Variants in AP5M1 observed in about 807,000 individuals in gnomAD.
AP5M1 encodes adaptor related protein complex 5 subunit mu 1.
AP5M1 carries 44 observed loss-of-function variants against 52.3 expected under a neutral mutation model. The observed-to-expected ratio is 0.84, with a 90% confidence interval of 0.66 to 1.08. The LOEUF is 1.08. Among genes scored for constraint, AP5M1 ranks in the 50% least tolerant of loss-of-function variants. The pLI, the probability that AP5M1 is intolerant of heterozygous loss-of-function variation, is 0.00. For missense variants in AP5M1, 526 were observed against 568.4 expected, an observed-to-expected ratio of 0.93 and a Z score of 0.76; for synonymous variants, 213 against 199.0, an observed-to-expected ratio of 1.07 and a Z score of -0.59.
intron 6 of AP5M1, 57 bp downstream of exon 6, chr14:57,283,287 A>G (rs1260288082): frequency 6.1e-6 from 6 of 986,564 alleles, no homozygotes; most frequent in Admixed American, 2.4e-5. Context: ...TATAAATTGC[A>G]TATTTCTAGT....
At chr14:57,281,198 C>G (rs1885166639) in intron 3 of AP5M1, among the ~76,000 whole-genome samples, 1 of 152,114 alleles carries the variant, frequency 6.6e-6, no homozygotes, top group African/African-American at 2.4e-5. Context: ...ACATTATCCC[C>G]ATTTTACAGC....
intron 4 of AP5M1, 60 bp from the exon 5 acceptor site, chr14:57,282,874 A>C: frequency 8.5e-7 from 1 of 1,178,644 alleles, no homozygotes; most frequent in Non-Finnish European, 1.2e-6. Flanking sequence ...AGTTTGACTT[A>C]GATCTCTTAA....
intron 2 of AP5M1, among the ~76,000 whole-genome samples, chr14:57,277,140 T>C (rs1219621522): frequency 6.6e-6 from 1 of 152,082 alleles, no homozygotes; most frequent in African/African-American, 2.4e-5. Context: ...GTGCCTTTTT[T>C]TTTTTTTTAA....
rs1054774760 is a variant in AP5M1, at chr14:57,294,615, G to C, written c.*5731G>C. ...GTTTCTTTTCTCCACTGGTTTTATA[G>C]GTGTGTTTAGTGTGAAGAATGTGAT... On this transcript the variant is annotated 3_prime_UTR_variant, in exon 8 of 8. Coordinates refer to ENST00000261558, the MANE Select transcript of AP5M1 (RefSeq NM_018229.4). 6.6e-6 allele frequency: 1 copy of C among 151,838 alleles called. No homozygotes were observed. Among genetic ancestry groups the C allele is most frequent in the Non-Finnish European group, 1.5e-5 (1 of 67,834 alleles). The allele number at this position is 151,838 out of a possible 1,614,324, so 9.4% of individuals were successfully genotyped here.
At chr14:57,285,162 T>C (rs912527548) in intron 6 of AP5M1, among the ~76,000 whole-genome samples, 10 of 152,188 alleles carry the variant, frequency 6.6e-5, no homozygotes, top group African/African-American at 2.4e-4. Flanking sequence ...GGGGAAGTGG[T>C]AGTGAAGTCA....
intron 3 of AP5M1, 124 bp from the exon 4 acceptor site, chr14:57,281,965 T>C: frequency 1.3e-6 from 1 of 765,230 alleles, no homozygotes; most frequent in Non-Finnish European, 2.0e-6. Flanking sequence ...AGATTCATCA[T>C]TGCTGTTACC....
At chr14:57,270,842 G>A (rs915978736) in intron 1 of AP5M1, among the ~76,000 whole-genome samples, 2 of 152,044 alleles carry the variant, frequency 1.3e-5, no homozygotes, top group Non-Finnish European at 2.9e-5. Flanking sequence ...ACTTCCTAAT[G>A]TTACATTTGT....
chr14:57,280,064 A>C, intron 2 of AP5M1, 131 bp from the exon 3 acceptor site: 1 of 724,008 alleles, frequency 1.4e-6, no homozygotes, highest in South Asian at 1.7e-5. Flanking sequence ...ATAAGAACAC[A>C]GAAAGCAAAG....
In AP5M1 at chr14:57,288,865, A is replaced by G; in HGVS notation, c.1454A>G (p.Tyr485Cys). ...WNSKAPAPVT[Y>C]GSLLL Reference sequence around the variant, plus strand: ...TCTAAAGCCCCTGCTCCAGTAACATATGGATCATTATTATTGTAATAGTCT... The same window carrying G: ...TCTAAAGCCCCTGCTCCAGTAACATGTGGATCATTATTATTGTAATAGTCT... Residue 485 changes from tyrosine to cysteine, a missense_variant, in exon 8 of 8, where the codon TAT becomes TGT. Tyr to Cys is a radical substitution (Grantham distance 194, BLOSUM62 -2). Coordinates refer to ENST00000261558, the MANE Select transcript of AP5M1 (RefSeq NM_018229.4). 7 of 1,555,312 alleles carry G rather than the reference A, an allele frequency of 4.5e-6. No individual in the cohort carries two copies. Among genetic ancestry groups the G allele is most frequent in the Non-Finnish European group, 6.2e-6 (7 of 1,131,174 alleles).
chr14:57,282,369 G>T (rs1057475324), intron 4 of AP5M1, 141 bp downstream of exon 4: 1 of 580,764 alleles, frequency 1.7e-6, no homozygotes, highest in Non-Finnish European at 2.7e-6. Context: ...TGATTTTCAT[G>T]ATATAGTCAT....
intron 2 of AP5M1, chr14:57,278,453 G>C (rs1885091471): frequency 6.6e-6 from 1 of 152,220 alleles, no homozygotes; most frequent in South Asian, 2.1e-4. Context: ...CTCAAGGACA[G>C]GTTTGAGAGG....
rs927049549 is a variant in AP5M1 at position 57,289,484 on chromosome 14, T to C, written c.*600T>C. The C allele has an allele frequency of 6.6e-6, 1 of 151,744 alleles. No homozygotes were observed. The highest frequency in any genetic ancestry group is 6.6e-5 in the Admixed American group (1 of 15,206). 9.4% of individuals were successfully genotyped at this position (151,744 alleles called of 1,614,324 possible). ...AAGCTGTTCTTCTTAATCAGAACTA[T>C]CCTATTGACTAATAAATAATCTGCA... On this transcript the variant is annotated 3_prime_UTR_variant, in exon 8 of 8. Coordinates refer to ENST00000261558, the MANE Select transcript of AP5M1 (RefSeq NM_018229.4).
intron 1 of AP5M1, among the ~76,000 whole-genome samples, chr14:57,272,825 G>A (rs1270183682): frequency 6.6e-6 from 1 of 152,188 alleles, no homozygotes; most frequent in Non-Finnish European, 1.5e-5. Context: ...TCTTAATCAA[G>A]AAAATGCATC....
intron 4 of AP5M1, 105 bp downstream of exon 4, chr14:57,282,333 C>G: frequency 3.5e-6 from 3 of 848,588 alleles, no homozygotes; most frequent in Non-Finnish European, 5.0e-6. Context: ...AAGGTCTGAA[C>G]AATTTTATTT....
At chr14:57,271,887 A>G (rs2139683622) in intron 1 of AP5M1, among the ~76,000 whole-genome samples, 1 of 152,324 alleles carries the variant, frequency 6.6e-6, no homozygotes, top group East Asian at 1.9e-4. Flanking sequence ...TTTTTCTGAC[A>G]TCATCTTTTA....
At chr14:57,284,203 A>T (rs1885252244) in intron 6 of AP5M1, among the ~76,000 whole-genome samples, 1 of 152,248 alleles carries the variant, frequency 6.6e-6, no homozygotes, top group Non-Finnish European at 1.5e-5. Context: ...TGAAGACTTG[A>T]AGATTGACTA....
chr14:57,287,100 A>G (rs1366310440), intron 7 of AP5M1, among the ~76,000 whole-genome samples: 1 of 152,116 alleles, frequency 6.6e-6, no homozygotes, highest in Non-Finnish European at 1.5e-5. Flanking sequence ...TCAAATAGAA[A>G]TATGTAACAT....
rs1307565274 is a variant in AP5M1 at position 57,292,874 on chromosome 14, C to T, written c.*3990C>T. On this transcript the variant is annotated 3_prime_UTR_variant, in exon 8 of 8. Coordinates refer to ENST00000261558, the MANE Select transcript of AP5M1 (RefSeq NM_018229.4). Reference sequence around the variant, plus strand: ...TTATCCACCTTAAGACTAATGATTTCGAAGCTTTGTTAACTATTTCTTTTC... The same window carrying T: ...TTATCCACCTTAAGACTAATGATTTTGAAGCTTTGTTAACTATTTCTTTTC... 2.6e-5 allele frequency: 4 copies of T among 151,450 alleles called. No individual in the cohort carries two copies. The highest frequency in any genetic ancestry group is 4.4e-5 in the Non-Finnish European group (3 of 67,706). 9.4% of individuals were successfully genotyped at this position (151,450 alleles called of 1,614,324 possible).
At chr14:57,273,629 C>A in intron 1 of AP5M1, 1 of 654,480 alleles carries the variant, frequency 1.5e-6, no homozygotes, top group Non-Finnish European at 2.8e-6. Context: ...TGATTTTATT[C>A]TTTTTTATTA....
Sources: allele counts gnomAD v4.1 joint callset (sites outside exome capture counted in the v4.1 genomes callset), GRCh38; gene constraint gnomAD v4.1.1; transcripts MANE v1.5; gene names NCBI Gene and HGNC (gene_info 2026-07-23, HGNC 2026-07-21).